PRB3: variants seen among roughly 807,000 people sequenced by gnomAD.
The protein encoded by PRB3 is basic salivary proline-rich protein 3.
In PRB3, 9 loss-of-function variants were observed where a neutral mutation model predicts 10.0. That is an observed-to-expected ratio of 0.90 (90% confidence interval 0.54 to 1.57). The LOEUF (loss-of-function observed/expected upper bound fraction) is 1.57. PRB3 is among the 40% of genes most tolerant of loss of function. The pLI is 0.00. For missense variants in PRB3, 285 were observed against 385.5 expected (o/e 0.74, Z 2.18); for synonymous variants, 89 against 138.6 (o/e 0.64, Z 2.52).
rs1445862067 is a variant in PRB3, at chr12:11,267,108, A to G, written c.*17+68T>C. 3.9e-5 allele frequency: 56 copies of G among 1,448,522 alleles called. No individual in the cohort carries two copies. The South Asian group carries it at 4.9e-4, about 13-fold the overall frequency. 89.7% of individuals were successfully genotyped at this position (1,448,522 alleles called of 1,614,324 possible). A position where few individuals can be genotyped will look rare whatever the true frequency, so the allele number is the denominator to read the frequency against. On this transcript the variant is annotated intron_variant, in intron 3 of 3. Transcript: ENST00000538488. Reference sequence around the variant, plus strand: ...ATGTCAATGGGTTTTTAGTTGATTCATTGGCACAATAAAGTTGGAGAACTG... The same window carrying G: ...ATGTCAATGGGTTTTTAGTTGATTCGTTGGCACAATAAAGTTGGAGAACTG...
chr12:11,268,703 C>T, intron 1 of PRB3, 35 bp from the exon 2 acceptor site: 1 of 1,607,262 alleles, frequency 6.2e-7, no homozygotes, highest in Non-Finnish European at 8.5e-7. Context: ...GGAAAGGTTA[C>T]ATCTCGAATT....
At chr12:11,268,958 A>G (rs554242203) in intron 1 of PRB3, among the ~76,000 whole-genome samples, 14 of 152,352 alleles carry the variant, frequency 9.2e-5, no homozygotes, top group African/African-American at 2.4e-4. Context: ...AGGTACTTCA[A>G]TGTGATATTT....
rs371518744 is a variant in PRB3, at chr12:11,267,226, T to C, written c.1023A>G (p.Pro341=). Reference sequence around the variant, plus strand: ...GAGGCTGTCCCTGGGGAGGTCTGTGTGGTCTGCCCCCTTGAGGAGGTGGAG... The same window carrying C: ...GAGGCTGTCCCTGGGGAGGTCTGTGCGGTCTGCCCCCTTGAGGAGGTGGAG... The part of the protein sequence containing the change: ...GPPPPPQGGR[P]HRPPQGQPPQ Residue 341 remains proline (P), a synonymous_variant, in exon 3 of 4, where the codon CCA becomes CCG. Transcript: ENST00000538488. The C allele has an allele frequency of 1.3e-5, 21 of 1,613,988 alleles. 1 individual carries two copies. The highest frequency in any genetic ancestry group is 1.8e-5 in the Non-Finnish European group (21 of 1,180,002).
At chr12:11,266,100 T>C in intron 3 of PRB3, 71 bp from the exon 4 acceptor site, 1 of 449,164 alleles carries the variant, frequency 2.2e-6, no homozygotes, top group Non-Finnish European at 4.5e-6. Context: ...TCCTCACTGG[T>C]GTTACTGCAG....
rs893783128 is a variant in PRB3, at chr12:11,267,182, T to C, written c.*11A>G. 5 of 1,601,582 alleles carry C rather than the reference T, an allele frequency of 3.1e-6. No individual in the cohort carries two copies. The highest frequency in any genetic ancestry group is 2.7e-5 in the African/African-American group (2 of 74,580). On this transcript the variant is annotated 3_prime_UTR_variant, in exon 3 of 4. Transcript: ENST00000538488. ...GAATAAACTGGAATCATACCTGTCA[T>C]TGAACCTTGATTACTGGGGAGGCTG...
chr12:11,266,549 G>C (rs1441393890), intron 3 of PRB3, among the ~76,000 whole-genome samples: 3 of 152,194 alleles, frequency 2.0e-5, no homozygotes, highest in Non-Finnish European at 4.4e-5. Flanking sequence ...TATGGTATTA[G>C]TGGTAGGGTA....
At chr12:11,267,090 T>C in intron 3 of PRB3, 86 bp downstream of exon 3, 1 of 1,310,850 alleles carries the variant, frequency 7.6e-7, no homozygotes, top group Non-Finnish European at 1.1e-6. Context: ...ACAATGTCAA[T>C]GGGTTTTTAG....
chr12:11,266,308 A>G (rs148565362), intron 3 of PRB3, among the ~76,000 whole-genome samples: 2 of 152,318 alleles, frequency 1.3e-5, no homozygotes, highest in African/African-American at 2.4e-5. Flanking sequence ...ATATATTTAC[A>G]CATATGATAA....
intron 3 of PRB3, 78 bp from the exon 4 acceptor site, chr12:11,266,107 G>A: frequency 2.2e-6 from 1 of 444,594 alleles, no homozygotes; most frequent in South Asian, 1.6e-5. Context: ...TGGTGTTACT[G>A]CAGTAGAGTA....
intron 2 of PRB3, 97 bp from the exon 3 acceptor site, chr12:11,268,245 C>T (rs1948616544): frequency 2.5e-6 from 4 of 1,580,332 alleles, no homozygotes; most frequent in South Asian, 2.2e-5. Context: ...AAGACCCAGA[C>T]ACTAATTTCT....
chr12:11,266,281 G>A (rs917875307), intron 3 of PRB3, among the ~76,000 whole-genome samples: 1 of 152,176 alleles, frequency 6.6e-6, no homozygotes, highest in Non-Finnish European at 1.5e-5. Context: ...ACTCATTGCT[G>A]TTGAATTTGT....
Position 11,267,989 on chromosome 12 carries a change from T to A in PRB3, c.260A>T (p.Asn87Ile). ...KPEGPPPQGG[N>I]QSQGPPPRPG... ...ACGAGGTGGGGGACCTTGGGACTGGTTTCCTCCTTGTGGGGGTGGTCCTTC... is the reference window on the plus strand; with the variant it reads ...ACGAGGTGGGGGACCTTGGGACTGGATTCCTCCTTGTGGGGGTGGTCCTTC... The change falls in exon 3 of 4, where the codon AAC (asparagine) becomes ATC (isoleucine). Residue 87 changes from asparagine (N) to isoleucine (I), a missense_variant. Physicochemically the swap from Asn to Ile is moderately radical, Grantham distance 149. Coordinates refer to ENST00000538488, the MANE Select transcript of PRB3 (RefSeq NM_001394862.1). 1.3e-6 allele frequency: 2 copies of A among 1,589,758 alleles called. No homozygotes were observed. The highest frequency in any genetic ancestry group is 1.7e-4 in the Middle Eastern group (1 of 5,932).
At position 11,268,687 on chromosome 12, in the gene PRB3, A is replaced by G. The variant is rs116632484; in HGVS notation, c.65-19T>C. On this transcript the variant is annotated intron_variant, in intron 1 of 3. Coordinates refer to ENST00000538488, the MANE Select transcript of PRB3 (RefSeq NM_001394862.1). ...CTGACATCTAGAAGAGAAGCACAGG[A>G]TGATGGGAAAGGTTACATCTCGAAT... 1 of 1,612,270 alleles carries G rather than the reference A, an allele frequency of 6.2e-7. No individual in the cohort carries two copies. The highest frequency in any genetic ancestry group is 1.3e-5 in the African/African-American group (1 of 74,834).
rs368032955 is a variant in PRB3 at position 11,267,181 on chromosome 12, A to G, written c.*12T>C. On this transcript the variant is annotated 3_prime_UTR_variant, in exon 3 of 4. Transcript: ENST00000538488. ...AGAATAAACTGGAATCATACCTGTC[A>G]TTGAACCTTGATTACTGGGGAGGCT... 87 of 1,602,040 alleles carry G rather than the reference A, an allele frequency of 5.4e-5. No individual in the cohort carries two copies. Among genetic ancestry groups the G allele is most frequent in the Middle Eastern group, 3.3e-4 (2 of 6,064 alleles).
rs529231574 is a variant in PRB3 at position 11,268,533 on chromosome 12, A to G, written c.100+100T>C. On this transcript the variant is annotated intron_variant, in intron 2 of 3. Coordinates refer to ENST00000538488, the MANE Select transcript of PRB3 (RefSeq NM_001394862.1). ...TTATTAGGGGGACTAATATTAATCAATTTCTAAAGGAAAATGTTGGTGAGA... is the reference window on the plus strand; with the variant it reads ...TTATTAGGGGGACTAATATTAATCAGTTTCTAAAGGAAAATGTTGGTGAGA... The G allele has an allele frequency of 9.9e-5, 143 of 1,448,276 alleles. No individual in the cohort carries two copies. In the East Asian group the frequency reaches 3.0e-3, roughly 31 times the overall value. The allele number at this position is 1,448,276 out of a possible 1,614,324, so 89.7% of individuals were successfully genotyped here.
In PRB3 at chr12:11,267,686, G is replaced by A. The variant is rs367562258; in HGVS notation, c.563C>T (p.Pro188Leu). 1.1e-5 allele frequency: 16 copies of A among 1,513,784 alleles called. No individual in the cohort carries two copies. Among genetic ancestry groups the A allele is most frequent in the East Asian group, 2.3e-5 (1 of 43,418 alleles). 93.8% of individuals were successfully genotyped at this position (1,513,784 alleles called of 1,614,324 possible). ...PHPGKPEGPP[P>L]QGGNQSQGPP... ...ACCTTGGGACTGGTTTCCTCCTTGT[G>A]GGGGTGGTCCTTCTGGCTTTCCCGG... is the stretch of plus-strand genomic sequence containing the variant. Residue 188 changes from proline to leucine, a missense_variant, in exon 3 of 4, where the codon CCA (proline) becomes CTA (leucine). Physicochemically the swap from Pro to Leu is moderately conservative, Grantham distance 98 (BLOSUM62 -3). Coordinates refer to ENST00000538488, the MANE Select transcript of PRB3 (RefSeq NM_001394862.1).
Position 11,267,927 on chromosome 12 carries a change from T to G in PRB3, c.322A>C (p.Asn108His). The G allele has an allele frequency of 6.5e-7, 1 of 1,536,800 alleles. No individual in the cohort carries two copies. Among genetic ancestry groups the G allele is most frequent in the Non-Finnish European group, 8.7e-7 (1 of 1,145,212 alleles). ...CGAGGTGGGGGACCTTGGGACTGGTTTCCTCCTTGTGGGGGTTGTCCTTCT... is the reference window on the plus strand; with the variant it reads ...CGAGGTGGGGGACCTTGGGACTGGTGTCCTCCTTGTGGGGGTTGTCCTTCT... ...KPEGQPPQGG[N>H]QSQGPPPRPG... The change falls in exon 3 of 4, where the codon AAC (asparagine) becomes CAC (histidine). Residue 108 changes from asparagine to histidine, a missense_variant. This residue lies in a region of PRB3 where 30 missense variants were observed against 149.2 expected (regional missense o/e 0.20). Transcript: ENST00000538488.
Position 11,269,620 on chromosome 12 carries a change from T to G in PRB3, c.50A>C (p.Gln17Pro). 6.2e-7 allele frequency: 1 copy of G among 1,614,126 alleles called. No homozygotes were observed. The highest frequency in any genetic ancestry group is 1.3e-5 in the African/African-American group (1 of 75,074). ...SVALLALSSA[Q>P]SLNEDVSQEE... ...TTCTGTCTTACCTTCATTTAAGCTCTGAGCTGAGCTCAGGGCCAGCAGGGC... is the reference window on the plus strand; with the variant it reads ...TTCTGTCTTACCTTCATTTAAGCTCGGAGCTGAGCTCAGGGCCAGCAGGGC... The change falls in exon 1 of 4, where the codon CAG becomes CCG. Residue 17 changes from glutamine to proline, a missense_variant. Around this residue, in one of 3 missense-constraint regions of PRB3, gnomAD observed 147 missense variants for 129.4 expected, o/e 1.14. Coordinates refer to ENST00000538488, the MANE Select transcript of PRB3 (RefSeq NM_001394862.1).
intron 1 of PRB3, 79 bp from the exon 2 acceptor site, chr12:11,268,747 G>C (rs1397244099): frequency 4.7e-6 from 7 of 1,490,574 alleles, no homozygotes; most frequent in Non-Finnish European, 6.6e-6. Flanking sequence ...CAGGGAAAGG[G>C]GACTTCTCAC....
Sources: allele counts gnomAD v4.1 joint callset (sites outside exome capture counted in the v4.1 genomes callset), GRCh38; gene constraint gnomAD v4.1.1; regional missense constraint gnomAD v4.1.1; transcripts MANE v1.5; gene names NCBI Gene and HGNC (gene_info 2026-07-23, HGNC 2026-07-21).